GRID1: variants seen among roughly 807,000 people sequenced by gnomAD.
GRID1 encodes glutamate receptor ionotropic, delta-1.
A neutral mutation model predicts 98.0 loss-of-function variants in GRID1; 28 were observed. The ratio of observed to expected loss-of-function variants is 0.29; its 90% CI spans 0.21 to 0.39. The LOEUF (loss-of-function observed/expected upper bound fraction) is 0.39, where lower values mean the gene tolerates loss of function less well. Among genes scored for constraint, GRID1 ranks in the 10% least tolerant of loss-of-function variants. GRID1 has a pLI of 1.00. For missense variants in GRID1, 1,111 were observed against 1,340.5 expected (o/e 0.83, Z 2.67); for synonymous variants, 553 against 538.5 (o/e 1.03, Z -0.37).
rs562953184 is a variant in GRID1, at chr10:85,852,157, G to A, written c.1233+2339C>T. On this transcript the variant is annotated intron_variant, in intron 8 of 15. Coordinates refer to ENST00000327946, the MANE Select transcript of GRID1 (RefSeq NM_017551.3). ...TTCCAGATAACTTCCCCTTAGCAGC[G>A]ATAAGCTGCTAGGCAGACAGATAAC... Among the ~76,000 whole-genome samples, 9 of 152,296 alleles carry A rather than the reference G, an allele frequency of 5.9e-5. No homozygotes were observed. The East Asian group carries it at 1.5e-3, about 26-fold the overall frequency.
chr10:85,760,919 A>C (rs138291191), intron 8 of GRID1, among the ~76,000 whole-genome samples: 122 of 152,310 alleles, frequency 8.0e-4, no homozygotes, highest in African/African-American at 2.9e-3. Flanking sequence ...GTCAGAAGGC[A>C]TTTCGTCAAA....
intron 4 of GRID1, among the ~76,000 whole-genome samples, chr10:86,085,024 T>C (rs1002067654): frequency 2.6e-5 from 4 of 152,228 alleles, no homozygotes; most frequent in Non-Finnish European, 5.9e-5. Flanking sequence ...AATCTTATGT[T>C]ATGTATTTTA....
chr10:86,207,929 C>T (rs187013910), intron 2 of GRID1, among the ~76,000 whole-genome samples: 2 of 152,258 alleles, frequency 1.3e-5, no homozygotes, highest in East Asian at 1.9e-4. Context: ...CGCGCCCGGC[C>T]GCAGATGCAG....
chr10:86,047,775 G>A (rs75624291), intron 4 of GRID1, among the ~76,000 whole-genome samples: 8,574 of 152,168 alleles, frequency 0.056, 287 homozygotes, highest in Middle Eastern at 0.11. Flanking sequence ...TCAAGACTGC[G>A]AAATGAAATT....
At chr10:86,191,252 C>G (rs768659309) in intron 3 of GRID1, among the ~76,000 whole-genome samples, 13 of 152,124 alleles carry the variant, frequency 8.5e-5, no homozygotes, top group Non-Finnish European at 1.5e-4. Context: ...AGAGAAGGGA[C>G]AGCCCACCTG....
chr10:85,631,727 A>C (rs1273856028), intron 13 of GRID1, among the ~76,000 whole-genome samples: 4 of 152,210 alleles, frequency 2.6e-5, no homozygotes, highest in Non-Finnish European at 5.9e-5. Context: ...CATGATAAAC[A>C]ATAATCTAAT....
intron 8 of GRID1, among the ~76,000 whole-genome samples, chr10:85,780,930 C>T (rs1297179916): frequency 6.6e-6 from 1 of 152,196 alleles, no homozygotes. Context: ...TAAAGAGAGA[C>T]CAGAAAATGC....
intron 15 of GRID1, among the ~76,000 whole-genome samples, chr10:85,603,075 A>G (rs1590153765): frequency 6.6e-6 from 1 of 152,238 alleles, no homozygotes; most frequent in East Asian, 1.9e-4. Flanking sequence ...ATAGTCCTTG[A>G]GCCCCTAAGG....
rs117597669 is a variant in GRID1, at chr10:85,856,777, G to A, written c.952-587C>T. ...CAATAAAACATTATTTTCCAAAAGA[G>A]GCAATATACTGGATTTGCTCTATTG... On this transcript the variant is annotated intron_variant, in intron 6 of 15. Transcript: ENST00000327946. Among the ~76,000 whole-genome samples the A allele has an allele frequency of 4.1e-3, 620 of 152,278 alleles. 1 individual carries two copies. The highest frequency in any genetic ancestry group is 7.2e-3 in the Non-Finnish European group (487 of 68,028).
At chr10:86,186,425 A>C (rs1435237694) in intron 3 of GRID1, among the ~76,000 whole-genome samples, 2 of 152,052 alleles carry the variant, frequency 1.3e-5, no homozygotes, top group Non-Finnish European at 2.9e-5. Context: ...TTTCCACTCT[A>C]ATCTTCATTT....
At chr10:85,962,941 C>T (rs933505690) in intron 4 of GRID1, among the ~76,000 whole-genome samples, 2 of 152,156 alleles carry the variant, frequency 1.3e-5, no homozygotes, top group African/African-American at 4.8e-5. Flanking sequence ...AAGACAGGCA[C>T]ATAAATGGAT....
chr10:85,829,998 C>A (rs563411536), intron 8 of GRID1, among the ~76,000 whole-genome samples: 1 of 152,196 alleles, frequency 6.6e-6, no homozygotes, highest in East Asian at 1.9e-4. Flanking sequence ...CCCAAATAAC[C>A]AAAGCAATCC....
intron 12 of GRID1, among the ~76,000 whole-genome samples, chr10:85,699,729 G>C (rs1443274153): frequency 1.3e-5 from 2 of 152,118 alleles, no homozygotes; most frequent in African/African-American, 4.8e-5. Flanking sequence ...TTAGGCTTCT[G>C]GTGAATTCAG....
chr10:86,028,760 C>G (rs1382440571), intron 4 of GRID1, among the ~76,000 whole-genome samples: 1 of 152,084 alleles, frequency 6.6e-6, no homozygotes, highest in Non-Finnish European at 1.5e-5. Context: ...GGGCCATTTT[C>G]ATCTCAAATG....
At chr10:86,308,640 G>C (rs1451770010) in intron 2 of GRID1, among the ~76,000 whole-genome samples, 1 of 152,150 alleles carries the variant, frequency 6.6e-6, no homozygotes, top group East Asian at 1.9e-4. Context: ...ATCTCATGTT[G>C]CTGTAACGGA....
At chr10:85,934,433 C>T (rs1841899514) in intron 4 of GRID1, among the ~76,000 whole-genome samples, 1 of 150,278 alleles carries the variant, frequency 6.7e-6, no homozygotes, top group African/African-American at 2.4e-5. Flanking sequence ...CACACACACA[C>T]ACACACACAC....
intron 12 of GRID1, among the ~76,000 whole-genome samples, chr10:85,682,895 G>A (rs1320054794): frequency 1.3e-5 from 2 of 152,196 alleles, no homozygotes; most frequent in Non-Finnish European, 2.9e-5. Context: ...TTCGCCTTCT[G>A]GCATCCCTCC....
chr10:85,792,173 A>C (rs949749023), intron 8 of GRID1, among the ~76,000 whole-genome samples: 1 of 152,128 alleles, frequency 6.6e-6, no homozygotes, highest in African/African-American at 2.4e-5. Context: ...CATCATCTAC[A>C]CCATTGAAGG....
chr10:85,942,168 G>C (rs1842003948), intron 4 of GRID1, among the ~76,000 whole-genome samples: 1 of 152,206 alleles, frequency 6.6e-6, no homozygotes, highest in African/African-American at 2.4e-5. Context: ...TCTGGTCCAA[G>C]AGACTTGGGT....
Sources: gnomAD v4.1 joint callset for allele counts (sites outside exome capture counted in the v4.1 genomes callset) on GRCh38, gnomAD v4.1.1 for gene constraint, MANE v1.5 for transcripts, NCBI Gene and HGNC (gene_info 2026-07-23, HGNC 2026-07-21) for gene names.